ZFPM2: variants seen among roughly 807,000 people sequenced by gnomAD.
The protein encoded by ZFPM2 is zinc finger protein ZFPM2.
Under a neutral mutation model 98.6 loss-of-function variants are expected in ZFPM2, and 20 were observed. That is an observed-to-expected ratio of 0.20 (90% CI 0.14 to 0.29). The LOEUF (loss-of-function observed/expected upper bound fraction) is 0.29. Among genes scored for constraint, ZFPM2 ranks in the 10% least tolerant of loss-of-function variants. The pLI, the probability that ZFPM2 is intolerant of heterozygous loss-of-function variation, is 1.00. For missense variants in ZFPM2, 1,310 were observed against 1,388.6 expected (o/e 0.94, Z 0.90); for synonymous variants, 518 against 502.7 (o/e 1.03, Z -0.41).
intron 4 of ZFPM2, among the ~76,000 whole-genome samples, chr8:105,622,404 C>T (rs920904201): frequency 1.3e-5 from 2 of 152,080 alleles, no homozygotes; most frequent in East Asian, 1.9e-4. Context: ...GAATATTCTC[C>T]AAAATCTACC....
chr8:105,743,968 T>C (rs1321712027), intron 5 of ZFPM2, among the ~76,000 whole-genome samples: 1 of 152,120 alleles, frequency 6.6e-6, no homozygotes, highest in Non-Finnish European at 1.5e-5. Context: ...TGAATTATTA[T>C]TTGAAAGTGC....
At chr8:105,778,358 T>C (rs545775742) in intron 5 of ZFPM2, among the ~76,000 whole-genome samples, 1 of 148,884 alleles carries the variant, frequency 6.7e-6, no homozygotes, top group East Asian at 1.9e-4. Context: ...GGAGGTATCA[T>C]GTGAGATTTT....
chr8:105,450,935 C>T (rs1812472853), intron 3 of ZFPM2, among the ~76,000 whole-genome samples: 1 of 151,816 alleles, frequency 6.6e-6, no homozygotes, highest in African/African-American at 2.4e-5. Flanking sequence ...TTCCCTACTC[C>T]AGTTTGCACT....
At chr8:105,616,872 G>A (rs535044797) in intron 4 of ZFPM2, among the ~76,000 whole-genome samples, 1 of 151,024 alleles carries the variant, frequency 6.6e-6, no homozygotes, top group South Asian at 2.1e-4. Context: ...ACAAAAATTA[G>A]CCGGGTGTGG....
rs1048409910 is a variant in ZFPM2, at chr8:105,748,620, T to C, written c.533-40098T>C. ...TGTTTTGTTTTGTCTTTGCGATAGG[T>C]TATGTGGCTCACCTCAATGAATAGG... On this transcript the variant is annotated intron_variant, in intron 5 of 7. Coordinates refer to ENST00000407775, the MANE Select transcript of ZFPM2 (RefSeq NM_012082.4). 5.3e-5 allele frequency among the ~76,000 whole-genome samples: 8 copies of C among 152,040 alleles called. No individual in the cohort carries two copies. The East Asian group carries it at 7.7e-4, about 15-fold the overall frequency.
At chr8:105,389,293 T>G (rs568583643) in intron 1 of ZFPM2, among the ~76,000 whole-genome samples, 1 of 152,150 alleles carries the variant, frequency 6.6e-6, no homozygotes, top group Non-Finnish European at 1.5e-5. Flanking sequence ...ATTTAAGATC[T>G]TAGAAGATCA....
chr8:105,746,198 C>T (rs2131042666), intron 5 of ZFPM2, among the ~76,000 whole-genome samples: 1 of 151,530 alleles, frequency 6.6e-6, no homozygotes, highest in East Asian at 2.0e-4. Context: ...GTCTTAGAGC[C>T]CCACTACAAA....
intron 3 of ZFPM2, among the ~76,000 whole-genome samples, chr8:105,519,254 T>C (rs1246171290): frequency 1.3e-5 from 2 of 152,124 alleles, no homozygotes; most frequent in African/African-American, 2.4e-5. Context: ...TGGTGTATAA[T>C]TGGTGGGTGA....
At chr8:105,688,811 C>T (rs902951324) in intron 5 of ZFPM2, among the ~76,000 whole-genome samples, 2 of 152,096 alleles carry the variant, frequency 1.3e-5, no homozygotes, top group Non-Finnish European at 2.9e-5. Context: ...CATTCTCTAT[C>T]ATGTACTTAG....
At chr8:105,579,361 T>C (rs1788202494) in intron 4 of ZFPM2, among the ~76,000 whole-genome samples, 2 of 152,212 alleles carry the variant, frequency 1.3e-5, no homozygotes, top group South Asian at 4.1e-4. Context: ...TAATTGAGTC[T>C]GTTCAGATCT....
chr8:105,418,949 C>A (rs1811737786), intron 1 of ZFPM2, 195 bp from the exon 2 acceptor site: 1 of 617,988 alleles, frequency 1.6e-6, no homozygotes, highest in African/African-American at 1.9e-5. Context: ...CACTGGTTTC[C>A]TTGGATCTTT....
intron 5 of ZFPM2, among the ~76,000 whole-genome samples, chr8:105,651,398 T>C (rs1439613437): frequency 1.3e-5 from 2 of 151,358 alleles, no homozygotes; most frequent in Non-Finnish European, 2.9e-5. Context: ...AACCTGGAAG[T>C]TGGAGGTTGC....
intron 5 of ZFPM2, among the ~76,000 whole-genome samples, chr8:105,768,640 T>A (rs2131086091): frequency 6.6e-6 from 1 of 152,104 alleles, no homozygotes; most frequent in African/African-American, 2.4e-5. Context: ...CAGACTTGGG[T>A]TCCATTCACA....
rs1814463283 is a variant in ZFPM2, at chr8:105,536,825, T to G, written c.302-24538T>G. On this transcript the variant is annotated intron_variant, in intron 3 of 7. Coordinates refer to ENST00000407775, the MANE Select transcript of ZFPM2 (RefSeq NM_012082.4). ...ACCTGTAGGAGAGTTCTGGAATGCATCCAATAAAATGGGCATTTCACAGTG... is the reference window on the plus strand; with the variant it reads ...ACCTGTAGGAGAGTTCTGGAATGCAGCCAATAAAATGGGCATTTCACAGTG... 4.6e-5 allele frequency among the ~76,000 whole-genome samples: 7 copies of G among 152,132 alleles called. 1 individual carries two copies. The South Asian group carries it at 1.2e-3, about 27-fold the overall frequency.
intron 2 of ZFPM2, among the ~76,000 whole-genome samples, chr8:105,433,792 G>GA (rs1211527618): frequency 1.3e-5 from 2 of 151,950 alleles, no homozygotes; most frequent in Non-Finnish European, 2.9e-5. Flanking sequence ...ATCTCAAAAA[G>GA]AAAAAAGAAA....
intron 1 of ZFPM2, among the ~76,000 whole-genome samples, chr8:105,382,338 C>T (rs1051092033): frequency 9.9e-5 from 15 of 151,442 alleles, no homozygotes; most frequent in Non-Finnish European, 5.9e-5. Flanking sequence ...ATAATGTTTG[C>T]GTTAAAAATT....
At chr8:105,516,424 A>C (rs1021676486) in intron 3 of ZFPM2, among the ~76,000 whole-genome samples, 4 of 152,000 alleles carry the variant, frequency 2.6e-5, no homozygotes, top group Non-Finnish European at 5.9e-5. Context: ...TTATAAGATA[A>C]ATATATTTGG....
chr8:105,446,933 G>A (rs1046201526), intron 3 of ZFPM2, among the ~76,000 whole-genome samples: 1 of 151,976 alleles, frequency 6.6e-6, no homozygotes, highest in Non-Finnish European at 1.5e-5. Flanking sequence ...AGAAAGTAGG[G>A]GGTATTTCGT....
At chr8:105,622,165 G>A (rs1050932674) in intron 4 of ZFPM2, among the ~76,000 whole-genome samples, 1 of 151,848 alleles carries the variant, frequency 6.6e-6, no homozygotes, top group African/African-American at 2.4e-5. Context: ...AAACAACTTG[G>A]CCCAAACTTC....
Sources: gnomAD v4.1 joint callset for allele counts (sites outside exome capture counted in the v4.1 genomes callset) on GRCh38, gnomAD v4.1.1 for gene constraint, MANE v1.5 for transcripts, NCBI Gene and HGNC (gene_info 2026-07-23, HGNC 2026-07-21) for gene names.